CUBN: variants seen among roughly 807,000 people sequenced by gnomAD.
CUBN encodes 460 kDa receptor.
CUBN carries 282 observed loss-of-function variants against 405.3 expected under a neutral mutation model. The observed-to-expected ratio is 0.70, with a 90% CI of 0.63 to 0.77. The LOEUF is 0.77. Ranked by LOEUF, CUBN falls within the 30% of genes least tolerant of loss-of-function variation. The pLI, the probability that CUBN is intolerant of heterozygous loss-of-function variation, is 0.00. For missense variants in CUBN, 4,514 were observed against 4,475.2 expected (o/e 1.01, Z -0.25); for synonymous variants, 1,684 against 1,617.0 (o/e 1.04, Z -0.99).
rs770040094 is a variant in CUBN, at chr10:17,043,877, C to T, written c.3779G>A (p.Arg1260Lys). The part of the protein sequence containing the change: ...SSGDSMFIKL[R>K]TDEGQQGRGF... ...ACGTCCTTGCTGACCTTCATCTGTC[C>T]TCAGTTTTATAAACATGCTGTCTCC... The change falls in exon 26 of 67, where the codon AGG becomes AAG. Residue 1260 changes from arginine (R) to lysine (K), a missense_variant. By Grantham distance (26) the Arg-to-Lys change is conservative. Coordinates refer to ENST00000377833, the MANE Select transcript of CUBN (RefSeq NM_001081.4). The T allele has an allele frequency of 6.2e-7, 1 of 1,613,588 alleles. No individual in the cohort carries two copies. Among genetic ancestry groups the T allele is most frequent in the South Asian group, 1.1e-5 (1 of 91,078 alleles).
rs767407930 is a variant in CUBN, at chr10:16,984,170, C to T, written c.4460G>A (p.Arg1487Gln). ...ATTTATGGACAAGTCGGTCTTGAAT[C>T]GAATTGCTAGCTCATTTCCAGTGCT... Reference protein sequence around the residue: ...VSSTGNELAIRFKTDLSINGR... With the variant: ...VSSTGNELAIQFKTDLSINGR... Residue 1487 changes from arginine (R) to glutamine (Q), a missense_variant, in exon 30 of 67, where the codon CGA becomes CAA. Transcript: ENST00000377833. 9.9e-6 allele frequency: 16 copies of T among 1,614,060 alleles called. No individual in the cohort carries two copies. The highest frequency in any genetic ancestry group is 1.7e-5 in the Admixed American group (1 of 60,008).
Position 16,939,048 on chromosome 10 carries a change from T to C in CUBN, c.5648A>G (p.Asn1883Ser). 6.2e-7 allele frequency: 1 copy of C among 1,613,708 alleles called. No individual in the cohort carries two copies. The highest frequency in any genetic ancestry group is 2.2e-5 in the East Asian group (1 of 44,866). The change falls in exon 38 of 67, where the codon AAT becomes AGT. Residue 1883 changes from asparagine to serine, a missense_variant. This residue lies in a region of CUBN where 1,613 missense variants were observed against 1,542.8 expected (regional missense o/e 1.05). Transcript: ENST00000377833. Reference protein sequence around the residue: ...PHNSNYQWTVNVNASHVVHGR... With the variant: ...PHNSNYQWTVSVNASHVVHGR... The stretch of plus-strand genomic sequence containing the variant: ...ATGGACAACGTGAGATGCATTCACA[T>C]TTACTGTCCATTGGTAATTGGAGTT...
chr10:16,935,382 G>A (rs1029449905), intron 39 of CUBN, among the ~76,000 whole-genome samples: 2 of 151,772 alleles, frequency 1.3e-5, no homozygotes. Context: ...CAAACTCCTG[G>A]GCTTCAAGCA....
Position 16,915,904 on chromosome 10 carries a change from G to C in CUBN, c.7127C>G (p.Thr2376Ser). The change falls in exon 46 of 67, where the codon ACC (threonine) becomes AGC (serine). Residue 2376 changes from threonine (T) to serine (S), a missense_variant. Coordinates refer to ENST00000377833, the MANE Select transcript of CUBN (RefSeq NM_001081.4). ...HLQGLSGHYL[T>S]ISFEDFNLQN... The stretch of plus-strand genomic sequence containing the variant: ...AAGGTTAAAGTCTTCAAAAGAGATG[G>C]TGAGATAGTGTCCAGAGAGCCCCTG... 1 of 1,614,182 alleles carries C rather than the reference G, an allele frequency of 6.2e-7. No individual in the cohort carries two copies. Among genetic ancestry groups the C allele is most frequent in the Non-Finnish European group, 8.5e-7 (1 of 1,180,016 alleles).
chr10:17,015,946 C>A (rs1834315974), intron 28 of CUBN, among the ~76,000 whole-genome samples: 1 of 152,162 alleles, frequency 6.6e-6, no homozygotes, highest in African/African-American at 2.4e-5. Flanking sequence ...TCTGATCTCA[C>A]TTTTCCTTTT....
intron 28 of CUBN, 146 bp from the exon 29 acceptor site, chr10:16,990,661 T>C (rs1833558905): frequency 1.5e-6 from 1 of 671,700 alleles, no homozygotes; most frequent in Non-Finnish European, 2.5e-6. Flanking sequence ...GTTATAATTA[T>C]GCAGTTATAA....
chr10:17,031,788 G>A (rs1003554710), intron 27 of CUBN, among the ~76,000 whole-genome samples: 2 of 152,190 alleles, frequency 1.3e-5, no homozygotes, highest in South Asian at 4.1e-4. Flanking sequence ...TTTAAACCAA[G>A]CAATTTGGAA....
rs1280278142 is a variant in CUBN at position 17,018,111 on chromosome 10, TAGAG to T, written c.4168+1718_4168+1721del. ...CCAACTCCGAAGAGTTGGGGGTTGT[TAGAG>T]AGCCGTTTCCCAGAAAGCCTGACAC... On this transcript the variant is annotated intron_variant, in intron 28 of 66. Transcript: ENST00000377833. Among the ~76,000 whole-genome samples, 11 of 152,220 alleles carry T rather than the reference TAGAG, an allele frequency of 7.2e-5. No homozygotes were observed. In the East Asian group the frequency reaches 1.9e-3, roughly 27 times the overall value.
At chr10:16,979,869 T>C (rs1248324158) in intron 31 of CUBN, among the ~76,000 whole-genome samples, 1 of 152,106 alleles carries the variant, frequency 6.6e-6, no homozygotes, top group Non-Finnish European at 1.5e-5. Flanking sequence ...AAGAGCTTCT[T>C]CATAGCAAAA....
intron 59 of CUBN, among the ~76,000 whole-genome samples, chr10:16,853,853 C>T (rs1588589074): frequency 2.0e-5 from 3 of 152,150 alleles, no homozygotes; most frequent in South Asian, 2.1e-4. Context: ...TATTGGCATG[C>T]GTAGCACAGA....
chr10:16,875,800 T>C (rs1433607687), intron 57 of CUBN, among the ~76,000 whole-genome samples: 2 of 152,208 alleles, frequency 1.3e-5, no homozygotes, highest in Non-Finnish European at 2.9e-5. Flanking sequence ...TACTTCCTTG[T>C]AGGAAAATGA....
intron 36 of CUBN, among the ~76,000 whole-genome samples, chr10:16,946,319 T>G (rs2131617706): frequency 6.6e-6 from 1 of 152,268 alleles, no homozygotes; most frequent in East Asian, 1.9e-4. Context: ...GCTGTCTAAT[T>G]TAATCTAAGA....
chr10:16,893,974 C>T (rs117238532), intron 54 of CUBN, among the ~76,000 whole-genome samples: 3,809 of 152,232 alleles, frequency 0.025, 66 homozygotes, highest in Non-Finnish European at 0.04. Flanking sequence ...CATACTTCTC[C>T]AGAAGTTAAT....
At chr10:17,047,024 C>A (rs896546341) in intron 23 of CUBN, among the ~76,000 whole-genome samples, 1 of 152,048 alleles carries the variant, frequency 6.6e-6, no homozygotes, top group Non-Finnish European at 1.5e-5. Flanking sequence ...TGCTATCCTG[C>A]CATCATTTTA....
chr10:17,034,930 A>G (rs1299196649), intron 27 of CUBN, among the ~76,000 whole-genome samples: 1 of 152,180 alleles, frequency 6.6e-6, no homozygotes, highest in Non-Finnish European at 1.5e-5. Context: ...AATTCTGGCT[A>G]GCAAAGAAGT....
chr10:16,913,266 TAAC>T (rs1403950967), intron 48 of CUBN, among the ~76,000 whole-genome samples: 1 of 152,258 alleles, frequency 6.6e-6, no homozygotes, highest in Admixed American at 6.5e-5. Flanking sequence ...ACTTCACAGT[TAAC>T]AATCTATTTG....
At chr10:17,030,609 A>C (rs1834767234) in intron 27 of CUBN, among the ~76,000 whole-genome samples, 1 of 152,152 alleles carries the variant, frequency 6.6e-6, no homozygotes, top group Non-Finnish European at 1.5e-5. Flanking sequence ...CTTCTGTGGC[A>C]GTTCTTTTCT....
intron 66 of CUBN, 106 bp downstream of exon 66, chr10:16,828,699 G>A: frequency 1.1e-6 from 1 of 898,650 alleles, no homozygotes; most frequent in South Asian, 1.4e-5. Flanking sequence ...TCCAGCCTGG[G>A]TGACAAGAGC....
chr10:17,003,915 A>G (rs1335771849), intron 28 of CUBN, among the ~76,000 whole-genome samples: 1 of 152,086 alleles, frequency 6.6e-6, no homozygotes, highest in South Asian at 2.1e-4. Context: ...TTCCCACTCC[A>G]TTGTCTAAAA....
Sources: allele counts gnomAD v4.1 joint callset (sites outside exome capture counted in the v4.1 genomes callset), GRCh38; gene constraint gnomAD v4.1.1; regional missense constraint gnomAD v4.1.1; transcripts MANE v1.5; gene names NCBI Gene and HGNC (gene_info 2026-07-23, HGNC 2026-07-21).